KIF5B: variants seen among roughly 807,000 people sequenced by gnomAD.
The protein encoded by KIF5B is kinesin-1 heavy chain.
Under a neutral mutation model 132.8 loss-of-function variants are expected in KIF5B, and 49 were observed. The ratio of observed to expected loss-of-function variants is 0.37; its 90% CI spans 0.29 to 0.47. KIF5B has a LOEUF of 0.47. Ranked by LOEUF, KIF5B falls within the 20% of genes least tolerant of loss-of-function variation. The probability of loss-of-function intolerance (pLI) is 1.00; values close to 1 mark genes in which losing one functional copy is unlikely to be tolerated. For missense variants in KIF5B, 780 were observed against 1,144.0 expected (o/e 0.68, Z 4.59); for synonymous variants, 355 against 369.4 (o/e 0.96, Z 0.45).
chr10:32,027,675 C>T (rs2132593683), intron 15 of KIF5B, among the ~76,000 whole-genome samples: 1 of 149,390 alleles, frequency 6.7e-6, no homozygotes, highest in Non-Finnish European at 1.5e-5. Flanking sequence ...TGCCATGGCA[C>T]AAACATGGTT....
intron 22 of KIF5B, 69 bp from the exon 23 acceptor site, chr10:32,018,225 T>A: frequency 6.9e-7 from 1 of 1,454,956 alleles, no homozygotes; most frequent in Non-Finnish European, 9.3e-7. Context: ...AAAATTGACG[T>A]GACTGTAAAG....
intron 24 of KIF5B, among the ~76,000 whole-genome samples, chr10:32,016,126 A>G (rs990559384): frequency 1.1e-4 from 16 of 152,090 alleles, no homozygotes; most frequent in African/African-American, 3.9e-4. Flanking sequence ...CATGGGTGAC[A>G]AGCAAGACCC....
chr10:32,026,120 A>C (rs1256717638), intron 15 of KIF5B, among the ~76,000 whole-genome samples: 2 of 152,136 alleles, frequency 1.3e-5, no homozygotes, highest in African/African-American at 4.8e-5. Flanking sequence ...ACTGTAACAT[A>C]AAACTGTAAA....
chr10:32,049,684 T>C (rs1369987329), intron 1 of KIF5B, among the ~76,000 whole-genome samples: 1 of 151,744 alleles, frequency 6.6e-6, no homozygotes, highest in Non-Finnish European at 1.5e-5. Context: ...CATGGACCAC[T>C]CTCAGAGAAC....
intron 1 of KIF5B, among the ~76,000 whole-genome samples, 188 bp downstream of exon 1, chr10:32,055,660 G>A (rs920018066): frequency 1.3e-5 from 2 of 152,180 alleles, no homozygotes; most frequent in African/African-American, 4.8e-5. Context: ...TGGGGTGGGG[G>A]CGATCCAGGA....
rs776110308 is a variant in KIF5B, at chr10:32,018,582, CAT to C, written c.2307-22_2307-21del. The C allele has an allele frequency of 1.2e-5, 18 of 1,538,484 alleles. No individual in the cohort carries two copies. The African/African-American group carries it at 2.0e-4, about 17-fold the overall frequency. ...ATAACCCTAACAGTAGAAGAACAAA[CAT>C]ATATTTTCAAATTTTATTCTGTATA... On this transcript the variant is annotated intron_variant, in intron 20 of 25. Transcript: ENST00000302418.
chr10:32,039,707 A>T (rs1159613319), intron 3 of KIF5B, among the ~76,000 whole-genome samples: 1 of 152,182 alleles, frequency 6.6e-6, no homozygotes, highest in Non-Finnish European at 1.5e-5. Flanking sequence ...GAACATAATT[A>T]AAAAGGTTTT....
At position 32,011,086 on chromosome 10, in the gene KIF5B, C is replaced by G. The variant is rs930576770; in HGVS notation, c.*451G>C. ...ATTTAACCTAAATGTTCCATTTTCT[C>G]TTAAGAAAAAAAAAGGAAGACGTTT... On this transcript the variant is annotated 3_prime_UTR_variant, in exon 26 of 26. Transcript: ENST00000302418. The G allele has an allele frequency of 7.9e-5, 12 of 151,174 alleles. No individual in the cohort carries two copies. The highest frequency in any genetic ancestry group is 2.9e-4 in the African/African-American group (12 of 41,138). 9.4% of individuals were successfully genotyped at this position (151,174 alleles called of 1,614,324 possible).
At position 32,017,223 on chromosome 10, in the gene KIF5B, C is replaced by T. The variant is rs1031402203; in HGVS notation, c.2681G>A (p.Arg894His). The T allele has an allele frequency of 1.8e-5, 29 of 1,614,198 alleles. No homozygotes were observed. The highest frequency in any genetic ancestry group is 2.3e-5 in the Non-Finnish European group (27 of 1,180,040). The change falls in exon 24 of 26, where the codon CGC becomes CAC. Residue 894 changes from arginine to histidine, a missense_variant. Arg to His is a conservative substitution (Grantham distance 29, BLOSUM62 0). This residue lies in a region of KIF5B where 90 missense variants were observed against 101.8 expected (regional missense o/e 0.88). Transcript: ENST00000302418. ...TATGCGATCTACTTCTTGCTGATAG[C>T]GTTTGCGATCACGAGATGCATTTTC... is the stretch of plus-strand genomic sequence containing the variant. The part of the protein sequence containing the change: ...AKENASRDRK[R>H]YQQEVDRIKE...
Position 32,056,211 on chromosome 10 carries a change from G to C in KIF5B, c.-238C>G, listed in dbSNP as rs1592458488. ...CATCATGGCAGCCATGGCGGCGGCA[G>C]CGGCGGCGGCACCGGGGAGAGCGTC... On this transcript the variant is annotated 5_prime_UTR_variant, in exon 1 of 26. Transcript: ENST00000302418. 1 of 491,190 alleles carries C rather than the reference G, an allele frequency of 2.0e-6. No individual in the cohort carries two copies. The highest frequency in any genetic ancestry group is 4.1e-5 in the Admixed American group (1 of 24,122). The allele number at this position is 491,190 out of a possible 1,614,324, so 30.4% of individuals were successfully genotyped here. A position where few individuals can be genotyped will look rare whatever the true frequency, so the allele number is the denominator to read the frequency against.
At chr10:32,028,335 T>A in intron 15 of KIF5B, 93 bp downstream of exon 15, 2 of 991,500 alleles carry the variant, frequency 2.0e-6, no homozygotes, top group Non-Finnish European at 3.0e-6. Flanking sequence ...GATGAGATCA[T>A]GAATACGAAA....
chr10:32,053,394 A>G lies in KIF5B; in HGVS notation c.126+2454T>C, dbSNP rs181607404. Among the ~76,000 whole-genome samples the G allele has an allele frequency of 9.2e-5, 14 of 151,420 alleles. No homozygotes were observed. The Admixed American group carries it at 9.3e-4, about 10-fold the overall frequency. ...TTCATTTTTTAAGGCTATGTTATTCAGTTGTAATGTATTTTTGGTTACACG... is the reference window on the plus strand; with the variant it reads ...TTCATTTTTTAAGGCTATGTTATTCGGTTGTAATGTATTTTTGGTTACACG... On this transcript the variant is annotated intron_variant, in intron 1 of 25. Coordinates refer to ENST00000302418, the MANE Select transcript of KIF5B (RefSeq NM_004521.3).
rs199670106 is a variant in KIF5B at position 32,019,867 on chromosome 10, T to C, written c.2297A>G (p.His766Arg). 1.9e-5 allele frequency: 31 copies of C among 1,597,706 alleles called. No homozygotes were observed. The Admixed American group carries it at 3.4e-4, about 18-fold the overall frequency. The change falls in exon 20 of 26, where the codon CAT becomes CGT. Residue 766 changes from histidine (H) to arginine (R), a missense_variant. Physicochemically the swap from His to Arg is conservative, Grantham distance 29. Coordinates refer to ENST00000302418, the MANE Select transcript of KIF5B (RefSeq NM_004521.3). ...AAAAACAATTACTCACGTAAGTTCATGTAGTTTTCTGCTCTTTTCCTGATC... is the reference window on the plus strand; with the variant it reads ...AAAAACAATTACTCACGTAAGTTCACGTAGTTTTCTGCTCTTTTCCTGATC... Reference protein sequence around the residue: ...ATDQEKSRKLHELTVMQDRRE... With the variant: ...ATDQEKSRKLRELTVMQDRRE...
intron 14 of KIF5B, 54 bp downstream of exon 14, chr10:32,031,019 G>A: frequency 7.9e-7 from 1 of 1,272,436 alleles, no homozygotes; most frequent in African/African-American, 1.5e-5. Flanking sequence ...GTAGTTTTTA[G>A]GTTAAGAATA....
intron 2 of KIF5B, among the ~76,000 whole-genome samples, chr10:32,047,596 T>C (rs1841629709): frequency 6.6e-6 from 1 of 152,168 alleles, no homozygotes; most frequent in Non-Finnish European, 1.5e-5. Flanking sequence ...CAATATGAAA[T>C]TGATATAATG....
At chr10:32,024,001 G>A (rs1841298797) in intron 15 of KIF5B, among the ~76,000 whole-genome samples, 1 of 146,468 alleles carries the variant, frequency 6.8e-6, no homozygotes. Flanking sequence ...TTGGTAAGTT[G>A]GACCTCATTA....
chr10:32,056,200 TGGCGGCGGC>T lies in KIF5B; in HGVS notation c.-236_-228del. On this transcript the variant is annotated 5_prime_UTR_variant, in exon 1 of 26. Transcript: ENST00000302418. ...CACTTCCGATCCATCATGGCAGCCA[TGGCGGCGGC>T]AGCGGCGGCGGCACCGGGGAGAGCG... 2.0e-6 allele frequency: 1 copy of T among 496,746 alleles called. No homozygotes were observed. Among genetic ancestry groups the T allele is most frequent in the East Asian group, 4.2e-5 (1 of 23,836 alleles). The allele number at this position is 496,746 out of a possible 1,614,324, so 30.8% of individuals were successfully genotyped here. A position where few individuals can be genotyped will look rare whatever the true frequency, so the allele number is the denominator to read the frequency against.
intron 14 of KIF5B, among the ~76,000 whole-genome samples, chr10:32,030,856 T>A (rs1288449855): frequency 6.6e-6 from 1 of 152,164 alleles, no homozygotes; most frequent in East Asian, 1.9e-4. Context: ...AAAACAGCAT[T>A]TAAATTAGAT....
chr10:32,024,146 CTTTTTTTTTTTTT>C (rs769483155), intron 15 of KIF5B, among the ~76,000 whole-genome samples: 7 of 69,742 alleles, frequency 1.0e-4, no homozygotes, highest in South Asian at 6.0e-4. Context: ...ATGAAGAACT[CTTTTTTTTTTTTT>C]TTTTTTTTTT....
Sources: gnomAD v4.1 joint callset for allele counts (sites outside exome capture counted in the v4.1 genomes callset) on GRCh38, gnomAD v4.1.1 for gene constraint, gnomAD v4.1.1 regional missense constraint, MANE v1.5 for transcripts, NCBI Gene and HGNC (gene_info 2026-07-23, HGNC 2026-07-21) for gene names.